Variants in EBF1 observed in about 807,000 individuals in gnomAD.
EBF1 encodes transcription factor COE1.
Under a neutral mutation model 68.4 loss-of-function variants are expected in EBF1, and 10 were observed. That is an observed-to-expected ratio of 0.15 (90% CI 0.09 to 0.25). The LOEUF is 0.25. EBF1 is among the 10% of genes least tolerant of loss of function. EBF1 has a pLI of 1.00. For synonymous variants in EBF1, 298 were observed against 299.8 expected (o/e 0.99, Z 0.06); for missense variants, 509 against 794.4 (o/e 0.64, Z 4.32).
chr5:159,060,933 TACACACACACACACACACAC>T (rs72070397), intron 6 of EBF1, among the ~76,000 whole-genome samples: 1 of 143,694 alleles, frequency 7.0e-6, no homozygotes, highest in African/African-American at 2.6e-5. Flanking sequence ...TAAAGCTACA[TACACACACACACACACACAC>T]ACACACACAC....
chr5:158,773,579 C>T (rs1774347332), intron 10 of EBF1, among the ~76,000 whole-genome samples: 1 of 152,052 alleles, frequency 6.6e-6, no homozygotes, highest in Non-Finnish European at 1.5e-5. Flanking sequence ...GCTGCTCAAA[C>T]CTTGTCCTGG....
chr5:158,842,010 G>A (rs1790428681), intron 6 of EBF1, among the ~76,000 whole-genome samples: 1 of 152,174 alleles, frequency 6.6e-6, no homozygotes, highest in African/African-American at 2.4e-5. Flanking sequence ...CAAGACAAAT[G>A]GCTTACAGAA....
intron 10 of EBF1, among the ~76,000 whole-genome samples, chr5:158,741,964 A>G (rs1766503603): frequency 6.6e-6 from 1 of 152,182 alleles, no homozygotes; most frequent in Non-Finnish European, 1.5e-5. Context: ...CCCATTAGAC[A>G]CAGAAGAAAA....
chr5:158,799,111 A>T (rs1301245929), intron 8 of EBF1, among the ~76,000 whole-genome samples: 2 of 152,170 alleles, frequency 1.3e-5, no homozygotes. Context: ...GAGGATGAGG[A>T]GGGGAAGCTA....
At chr5:158,699,172 T>G (rs1425714813) in intron 15 of EBF1, 30 bp from the exon 16 acceptor site, 2 of 1,595,804 alleles carry the variant, frequency 1.3e-6, no homozygotes, top group African/African-American at 2.7e-5. Flanking sequence ...AGTCAATGGT[T>G]TCTTTGCGTT....
chr5:158,796,402 C>G lies in EBF1; in HGVS notation c.852G>C (p.Gly284=). Reference sequence around the variant, plus strand: ...CCTGTAACCCATCAAAGAAATTGTCCCCTATGATGATCACAGTCGCACCTC... The same window carrying G: ...CCTGTAACCCATCAAAGAAATTGTCGCCTATGATGATCACAGTCGCACCTC... ...TTGGATVIII[G]DNFFDGLQVI... Residue 284 remains glycine, a synonymous_variant, in exon 9 of 16, where the codon GGG becomes GGC. Transcript: ENST00000313708. 6.2e-7 allele frequency: 1 copy of G among 1,613,728 alleles called. No individual in the cohort carries two copies. Among genetic ancestry groups the G allele is most frequent in the South Asian group, 1.1e-5 (1 of 91,018 alleles).
Position 159,064,136 on chromosome 5 carries a change from A to T in EBF1, c.554+9260T>A, listed in dbSNP as rs527388235. On this transcript the variant is annotated intron_variant, in intron 6 of 15. Coordinates refer to ENST00000313708, the MANE Select transcript of EBF1 (RefSeq NM_024007.5). ...CAATGAGTACAATAAACAGTGTCAC[A>T]TATGTATATATGCATATATGTGTGT... is the stretch of plus-strand genomic sequence containing the variant. Among the ~76,000 whole-genome samples, 3 of 152,274 alleles carry T rather than the reference A, an allele frequency of 2.0e-5. No individual in the cohort carries two copies. The East Asian group carries it at 5.8e-4, about 29-fold the overall frequency.
chr5:159,074,791 C>A (rs772109342), intron 5 of EBF1, among the ~76,000 whole-genome samples: 52 of 152,258 alleles, frequency 3.4e-4, no homozygotes, highest in Non-Finnish European at 5.6e-4. Flanking sequence ...CGGCTAAAAC[C>A]ACTCTGTCTA....
At chr5:158,755,895 A>G (rs951549418) in intron 10 of EBF1, among the ~76,000 whole-genome samples, 1 of 152,176 alleles carries the variant, frequency 6.6e-6, no homozygotes, top group African/African-American at 2.4e-5. Context: ...TATGATTCTG[A>G]ACGAAATAGT....
chr5:158,809,369 A>T (rs955520406), intron 8 of EBF1, among the ~76,000 whole-genome samples: 2 of 152,160 alleles, frequency 1.3e-5, no homozygotes, highest in African/African-American at 2.4e-5. Context: ...TAAAACACCC[A>T]AACTACGCTT....
intron 8 of EBF1, among the ~76,000 whole-genome samples, chr5:158,802,113 A>C (rs1311278765): frequency 6.6e-6 from 1 of 152,126 alleles, no homozygotes; most frequent in East Asian, 1.9e-4. Flanking sequence ...TGGTGTGTGC[A>C]GCTATCAGCA....
intron 6 of EBF1, among the ~76,000 whole-genome samples, chr5:159,063,677 G>A (rs754183325): frequency 2.2e-4 from 34 of 152,134 alleles, no homozygotes; most frequent in Non-Finnish European, 4.3e-4. Flanking sequence ...CAATGAATGA[G>A]TCTTTATCTA....
intron 6 of EBF1, among the ~76,000 whole-genome samples, chr5:158,855,340 A>T (rs981923569): frequency 6.6e-6 from 1 of 152,236 alleles, no homozygotes; most frequent in African/African-American, 2.4e-5. Context: ...GAAGTATATG[A>T]CAGGGAGTGG....
intron 10 of EBF1, among the ~76,000 whole-genome samples, chr5:158,750,826 T>C (rs1289781131): frequency 6.6e-6 from 1 of 152,116 alleles, no homozygotes. Context: ...AACATTTAGT[T>C]ACCACAAATT....
intron 10 of EBF1, among the ~76,000 whole-genome samples, chr5:158,752,575 A>G (rs1349510874): frequency 6.6e-6 from 1 of 152,110 alleles, no homozygotes; most frequent in Non-Finnish European, 1.5e-5. Context: ...ACAGTCTACA[A>G]TGGCAAATTT....
Position 158,859,207 on chromosome 5 carries a change from T to A in EBF1, c.555-19097A>T, listed in dbSNP as rs149339436. On this transcript the variant is annotated intron_variant, in intron 6 of 15. Transcript: ENST00000313708. Reference sequence around the variant, plus strand: ...CATTGGTCTTTAACTCAAATTAGAATCACTTTGTGGACTTCATATATAATA... The same window carrying A: ...CATTGGTCTTTAACTCAAATTAGAAACACTTTGTGGACTTCATATATAATA... 2.0e-3 allele frequency among the ~76,000 whole-genome samples: 309 copies of A among 152,310 alleles called. 3 individuals carry two copies. The highest frequency in any genetic ancestry group is 7.3e-3 in the African/African-American group (302 of 41,566).
intron 7 of EBF1, among the ~76,000 whole-genome samples, chr5:158,836,063 G>A (rs934181264): frequency 6.6e-6 from 1 of 152,182 alleles, no homozygotes; most frequent in African/African-American, 2.4e-5. Context: ...ATTTAATGCA[G>A]TTAGGAATGA....
At chr5:158,775,772 ACATG>A (rs1266560898) in intron 10 of EBF1, among the ~76,000 whole-genome samples, 83 of 126,612 alleles carry the variant, frequency 6.6e-4, no homozygotes, top group African/African-American at 1.6e-3. Flanking sequence ...ACACACACAC[ACATG>A]CACACAGACA....
At chr5:158,798,067 A>G (rs1296100779) in intron 8 of EBF1, among the ~76,000 whole-genome samples, 1 of 152,208 alleles carries the variant, frequency 6.6e-6, no homozygotes, top group Admixed American at 6.5e-5. Context: ...TATGATTTGA[A>G]GCAAGTTATA....
Sources: allele counts gnomAD v4.1 joint callset (sites outside exome capture counted in the v4.1 genomes callset), GRCh38; gene constraint gnomAD v4.1.1; transcripts MANE v1.5; gene names NCBI Gene and HGNC (gene_info 2026-07-23, HGNC 2026-07-21).